RSL24D1: variants seen among roughly 807,000 people sequenced by gnomAD.
RSL24D1 encodes the protein probable ribosome biogenesis protein RLP24.
RSL24D1 carries 6 observed loss-of-function variants against 26.2 expected under a neutral mutation model. That is an observed-to-expected ratio of 0.23 (90% CI 0.13 to 0.45). The LOEUF (loss-of-function observed/expected upper bound fraction) is 0.45. Ranked by LOEUF, RSL24D1 falls within the 20% of genes least tolerant of loss-of-function variation. The pLI, the probability that RSL24D1 is intolerant of heterozygous loss-of-function variation, is 0.99. For missense variants in RSL24D1, 176 were observed against 202.6 expected (o/e 0.87, Z 0.80); for synonymous variants, 61 against 59.1 (o/e 1.03, Z -0.15).
chr15:55,192,702 A>T lies in RSL24D1; in HGVS notation c.195+18T>A. ...TGTGAAACGTGTAAAAACTATATTG[A>T]TAGCTAACCGTACTCACCACTGTAA... is the stretch of plus-strand genomic sequence containing the variant. On this transcript the variant is annotated intron_variant, in intron 2 of 5. Coordinates refer to ENST00000260443, the MANE Select transcript of RSL24D1 (RefSeq NM_016304.3). 1 of 1,548,990 alleles carries T rather than the reference A, an allele frequency of 6.5e-7. No individual in the cohort carries two copies. The highest frequency in any genetic ancestry group is 8.9e-7 in the Non-Finnish European group (1 of 1,120,706).
intron 1 of RSL24D1, among the ~76,000 whole-genome samples, chr15:55,193,821 TG>T (rs1438393359): frequency 2.0e-5 from 3 of 151,974 alleles, no homozygotes; most frequent in Non-Finnish European, 4.4e-5. Flanking sequence ...GACACTAGAG[TG>T]AAAGCATGTC....
At chr15:55,190,840 TGAG>T in intron 3 of RSL24D1, 132 bp downstream of exon 3, 1 of 651,658 alleles carries the variant, frequency 1.5e-6, no homozygotes, top group South Asian at 1.8e-5. Flanking sequence ...ACCATTAAAA[TGAG>T]GATAAAATAA....
chr15:55,185,060 G>A (rs1017627292), intron 4 of RSL24D1, among the ~76,000 whole-genome samples: 5 of 152,132 alleles, frequency 3.3e-5, no homozygotes, highest in African/African-American at 7.2e-5. Flanking sequence ...TTACATCAAT[G>A]TTAATTTCCT....
intron 3 of RSL24D1, among the ~76,000 whole-genome samples, chr15:55,190,536 C>T (rs1042287791): frequency 1.3e-5 from 2 of 152,134 alleles, no homozygotes; most frequent in African/African-American, 4.8e-5. Context: ...TTAAGCACTA[C>T]ACTTTTTAAT....
intron 1 of RSL24D1, 95 bp downstream of exon 1, chr15:55,196,714 CA>C: frequency 1.7e-6 from 2 of 1,205,676 alleles, no homozygotes. Flanking sequence ...GAACCCGGGC[CA>C]AACACGGCAG....
rs1342156572 is a variant in RSL24D1 at position 55,181,398 on chromosome 15, T to G, written c.*754A>C. 1.3e-5 allele frequency: 2 copies of G among 152,760 alleles called. No individual in the cohort carries two copies. The highest frequency in any genetic ancestry group is 2.9e-5 in the Non-Finnish European group (2 of 68,034). The allele number at this position is 152,760 out of a possible 1,614,324, so 9.5% of individuals were successfully genotyped here. A position where few individuals can be genotyped will look rare whatever the true frequency, so the allele number is the denominator to read the frequency against. ...TTCTACTTTCCAAAAACAGGAGCTTTTTAAAAGAAAACCACATAACAACTT... is the reference window on the plus strand; with the variant it reads ...TTCTACTTTCCAAAAACAGGAGCTTGTTAAAAGAAAACCACATAACAACTT... On this transcript the variant is annotated 3_prime_UTR_variant, in exon 6 of 6. Coordinates refer to ENST00000260443, the MANE Select transcript of RSL24D1 (RefSeq NM_016304.3).
chr15:55,185,299 T>A (rs889604494), intron 4 of RSL24D1, 63 bp downstream of exon 4: 8 of 1,294,824 alleles, frequency 6.2e-6, no homozygotes, highest in Admixed American at 2.6e-5. Context: ...TAAAAAATAC[T>A]AATGCCTCTA....
intron 1 of RSL24D1, chr15:55,194,275 A>C (rs1035475107): frequency 5.9e-5 from 9 of 152,224 alleles, no homozygotes; most frequent in Non-Finnish European, 1.3e-4. Context: ...ATACAAGAAC[A>C]ATTAAAATTT....
chr15:55,186,048 G>A (rs1265382705), intron 3 of RSL24D1, among the ~76,000 whole-genome samples: 5 of 152,038 alleles, frequency 3.3e-5, no homozygotes, highest in South Asian at 2.1e-4. Context: ...AAGTAAAAAC[G>A]AACAGGAGGA....
rs1470084201 is a variant in RSL24D1 at position 55,186,210 on chromosome 15, A to G, written c.269-785T>C. 2.6e-5 allele frequency among the ~76,000 whole-genome samples: 4 copies of G among 152,194 alleles called. No homozygotes were observed. In the South Asian group the frequency reaches 8.3e-4, roughly 31 times the overall value. On this transcript the variant is annotated intron_variant, in intron 3 of 5. Coordinates refer to ENST00000260443, the MANE Select transcript of RSL24D1 (RefSeq NM_016304.3). ...CATTTCACATTTACAGCACAACGCA[A>G]TTTAGACTGGCTCAGTAGCTCAGAC...
intron 3 of RSL24D1, among the ~76,000 whole-genome samples, chr15:55,190,462 T>A (rs1894284401): frequency 6.6e-6 from 1 of 152,136 alleles, no homozygotes; most frequent in East Asian, 1.9e-4. Flanking sequence ...CAGAAGATTA[T>A]AACTTCATTT....
At chr15:55,184,343 T>TA (rs1306749071) in intron 4 of RSL24D1, among the ~76,000 whole-genome samples, 6 of 151,990 alleles carry the variant, frequency 3.9e-5, no homozygotes, top group Non-Finnish European at 2.9e-5. Context: ...AACTTCAAAA[T>TA]AAATAATGAC....
chr15:55,191,289 T>C (rs1031742712), intron 2 of RSL24D1, among the ~76,000 whole-genome samples: 2 of 152,022 alleles, frequency 1.3e-5, no homozygotes, highest in African/African-American at 2.4e-5. Flanking sequence ...AACACCCCCA[T>C]CCCTCAGAAG....
intron 1 of RSL24D1, 45 bp downstream of exon 1, chr15:55,196,765 C>G (rs752114044): frequency 1.3e-6 from 2 of 1,596,680 alleles, no homozygotes; most frequent in Non-Finnish European, 8.6e-7. Context: ...CGCCCAGGAA[C>G]CGCGGGAGCT....
chr15:55,189,507 C>T (rs971975702), intron 3 of RSL24D1, among the ~76,000 whole-genome samples: 1 of 152,226 alleles, frequency 6.6e-6, no homozygotes, highest in East Asian at 1.9e-4. Context: ...AGTTTCTCCA[C>T]ATGGTCCTAG....
Position 55,181,655 on chromosome 15 carries a change from A to T in RSL24D1, c.*497T>A, listed in dbSNP as rs1894167664. On this transcript the variant is annotated 3_prime_UTR_variant, in exon 6 of 6. Coordinates refer to ENST00000260443, the MANE Select transcript of RSL24D1 (RefSeq NM_016304.3). ...CCAGCATAATTAGGCTTCATCAAAC[A>T]ATGTCATTATGCTCTTCTAAGATGC... 1 of 154,474 alleles carries T rather than the reference A, an allele frequency of 6.5e-6. No individual in the cohort carries two copies. The highest frequency in any genetic ancestry group is 2.0e-4 in the South Asian group (1 of 5,052). The allele number at this position is 154,474 out of a possible 1,614,324, so 9.6% of individuals were successfully genotyped here.
chr15:55,196,421 A>G (rs1894356978), intron 1 of RSL24D1: 1 of 476,970 alleles, frequency 2.1e-6, no homozygotes, highest in African/African-American at 2.0e-5. Context: ...TCTACACTTT[A>G]GTATGGACCT....
Position 55,181,665 on chromosome 15 carries a change from T to A in RSL24D1, c.*487A>T, listed in dbSNP as rs1297907166. On this transcript the variant is annotated 3_prime_UTR_variant, in exon 6 of 6. Transcript: ENST00000260443. Reference sequence around the variant, plus strand: ...TAGGCTTCATCAAACAATGTCATTATGCTCTTCTAAGATGCAAATAAACCA... The same window carrying A: ...TAGGCTTCATCAAACAATGTCATTAAGCTCTTCTAAGATGCAAATAAACCA... The A allele has an allele frequency of 6.4e-6, 1 of 155,250 alleles. No homozygotes were observed. The highest frequency in any genetic ancestry group is 2.4e-5 in the African/African-American group (1 of 41,486). 9.6% of individuals were successfully genotyped at this position (155,250 alleles called of 1,614,324 possible).
At chr15:55,188,479 T>C (rs2140593346) in intron 3 of RSL24D1, among the ~76,000 whole-genome samples, 1 of 152,270 alleles carries the variant, frequency 6.6e-6, no homozygotes, top group South Asian at 2.1e-4. Flanking sequence ...TGAGACTCTG[T>C]AATAAAACCT....
Sources: gnomAD v4.1 joint callset for allele counts (sites outside exome capture counted in the v4.1 genomes callset) on GRCh38, gnomAD v4.1.1 for gene constraint, MANE v1.5 for transcripts, NCBI Gene and HGNC (gene_info 2026-07-23, HGNC 2026-07-21) for gene names.